RFX7: variants seen among roughly 807,000 people sequenced by gnomAD.
RFX7 encodes the protein regulatory factor X7.
In RFX7, 26 loss-of-function variants were observed where a neutral mutation model predicts 111.8. That is an observed-to-expected ratio of 0.23 (90% CI 0.17 to 0.32). The LOEUF is 0.32. Ranked by LOEUF, RFX7 falls within the 10% of genes least tolerant of loss-of-function variation. The pLI is 1.00. For synonymous variants in RFX7, 624 were observed against 624.4 expected, an observed-to-expected ratio of 1.00 and a Z score of 0.01; for missense variants, 1,573 against 1,772.9, an observed-to-expected ratio of 0.89 and a Z score of 2.02.
chr15:56,124,409 A>G lies in RFX7; in HGVS notation c.401+18369T>C, dbSNP rs569309749. Among the ~76,000 whole-genome samples the G allele has an allele frequency of 1.0e-4, 15 of 150,482 alleles. No homozygotes were observed. The South Asian group carries it at 3.3e-3, about 33-fold the overall frequency. ...TCCACTCCAGCCTGGGTGACAGAGC[A>G]AGACTCAGTCTCCGAAAAAAAAAAA... is the stretch of plus-strand genomic sequence containing the variant. On this transcript the variant is annotated intron_variant, in intron 5 of 9. Transcript: ENST00000559447.
chr15:56,111,858 T>G (rs1328021131), intron 5 of RFX7, among the ~76,000 whole-genome samples: 3 of 152,070 alleles, frequency 2.0e-5, no homozygotes, highest in African/African-American at 4.8e-5. Flanking sequence ...GGCTCATCCC[T>G]GTAGTCCCAG....
rs1298373896 is a variant in RFX7 at position 56,088,985 on chromosome 15, A to AT, written c.*4359dup. On this transcript the variant is annotated 3_prime_UTR_variant, in exon 10 of 10. Transcript: ENST00000559447. ...AAGATCTTACTCATCTTACCTAGCT[A>AT]TTTTTTGCAGTGACCACTACTGGTT... 7.9e-5 allele frequency: 12 copies of AT among 152,130 alleles called. No individual in the cohort carries two copies. The highest frequency in any genetic ancestry group is 2.7e-4 in the African/African-American group (11 of 41,422). The allele number at this position is 152,130 out of a possible 1,614,324, so 9.4% of individuals were successfully genotyped here.
At chr15:56,164,475 T>C (rs1227353792) in intron 3 of RFX7, among the ~76,000 whole-genome samples, 1 of 152,192 alleles carries the variant, frequency 6.6e-6, no homozygotes, top group Non-Finnish European at 1.5e-5. Context: ...TAAGATTCCA[T>C]TAAGCCAAGA....
In RFX7 at chr15:56,095,303, C is replaced by T. The variant is rs746302381; in HGVS notation, c.2425G>A (p.Glu809Lys). The T allele has an allele frequency of 5.6e-6, 9 of 1,613,910 alleles. No homozygotes were observed. In the African/African-American group the frequency reaches 1.2e-4, roughly 22 times the overall value. The part of the protein sequence containing the change: ...QQDISVMTIP[E>K]HSDINDLEKS... ...TCTAAGTCATTGATATCAGAGTGCT[C>T]AGGAATTGTCATAACACTGATATCT... Residue 809 changes from glutamate to lysine, a missense_variant, in exon 10 of 10, where the codon GAG becomes AAG. This residue lies in a region of RFX7 where 625 missense variants were observed against 632.2 expected (regional missense o/e 0.99). Transcript: ENST00000559447.
intron 3 of RFX7, among the ~76,000 whole-genome samples, chr15:56,157,724 C>T (rs1412916827): frequency 6.6e-6 from 1 of 152,154 alleles, no homozygotes; most frequent in Middle Eastern, 3.2e-3. Context: ...GGATTATAGG[C>T]GTGTGCCACC....
intron 5 of RFX7, among the ~76,000 whole-genome samples, chr15:56,104,704 G>C (rs1309875129): frequency 6.6e-6 from 1 of 152,164 alleles, no homozygotes; most frequent in Non-Finnish European, 1.5e-5. Context: ...ACCCCTGGGA[G>C]CCTTAATACA....
At chr15:56,096,750 G>T in intron 9 of RFX7, 130 bp from the exon 10 acceptor site, 1 of 983,174 alleles carries the variant, frequency 1.0e-6, no homozygotes, top group Non-Finnish European at 1.4e-6. Flanking sequence ...TATGTTAGAA[G>T]AGAGTTCTTC....
chr15:56,101,684 G>C (rs2041755492), intron 7 of RFX7, 118 bp from the exon 8 acceptor site: 1 of 958,826 alleles, frequency 1.0e-6, no homozygotes, highest in African/African-American at 1.7e-5. Flanking sequence ...GGTTAAAGTA[G>C]TATGAATTGA....
intron 2 of RFX7, among the ~76,000 whole-genome samples, chr15:56,206,864 T>C (rs1293751339): frequency 1.3e-5 from 2 of 149,684 alleles, no homozygotes; most frequent in Admixed American, 6.6e-5. Context: ...GGCTTGAAGG[T>C]TGGGGTTGGG....
At chr15:56,226,300 C>T (rs1000505417) in intron 2 of RFX7, among the ~76,000 whole-genome samples, 1 of 151,990 alleles carries the variant, frequency 6.6e-6, no homozygotes, top group Non-Finnish European at 1.5e-5. Context: ...ACAGAGTCTA[C>T]CTATCATAGT....
At chr15:56,173,651 G>A (rs1375322013) in intron 3 of RFX7, among the ~76,000 whole-genome samples, 2 of 151,756 alleles carry the variant, frequency 1.3e-5, no homozygotes, top group African/African-American at 4.8e-5. Context: ...GTGTAGTGGC[G>A]GATACCTGTA....
intron 3 of RFX7, among the ~76,000 whole-genome samples, chr15:56,175,965 T>C (rs781733460): frequency 3.3e-5 from 5 of 152,132 alleles, no homozygotes; most frequent in African/African-American, 7.2e-5. Context: ...CTTTAGGTAG[T>C]AGTAACTATG....
intron 2 of RFX7, among the ~76,000 whole-genome samples, chr15:56,212,264 A>G (rs1234785017): frequency 6.6e-6 from 1 of 152,174 alleles, no homozygotes; most frequent in African/African-American, 2.4e-5. Context: ...AAAAGGGTAC[A>G]TACTGTGTGA....
At position 56,189,062 on chromosome 15, in the gene RFX7, G is replaced by A. The variant is rs955175903; in HGVS notation, c.162-9759C>T. 3.6e-4 allele frequency among the ~76,000 whole-genome samples: 55 copies of A among 152,092 alleles called. 1 individual carries two copies. The highest frequency in any genetic ancestry group is 3.5e-3 in the Admixed American group (54 of 15,272). On this transcript the variant is annotated intron_variant, in intron 2 of 9. Transcript: ENST00000559447. ...TTGAACTCCTGACCTCAGGTGATCC[G>A]CCCATCTCGGCCTCCCAAAATGCTG...
intron 3 of RFX7, among the ~76,000 whole-genome samples, chr15:56,154,597 G>C (rs1479378343): frequency 1.3e-5 from 2 of 152,136 alleles, no homozygotes; most frequent in Admixed American, 1.3e-4. Context: ...GCTGAAACTG[G>C]ATCCCTTCCT....
intron 2 of RFX7, among the ~76,000 whole-genome samples, chr15:56,215,851 G>A (rs1389125473): frequency 6.6e-6 from 1 of 152,142 alleles, no homozygotes; most frequent in South Asian, 2.1e-4. Context: ...AGTCTATCCC[G>A]AGGTTTCAGT....
chr15:56,147,817 C>T (rs528853843), intron 3 of RFX7, among the ~76,000 whole-genome samples: 9 of 152,330 alleles, frequency 5.9e-5, no homozygotes, highest in African/African-American at 1.9e-4. Flanking sequence ...TCATGATCCG[C>T]CTGCCTTGGC....
chr15:56,145,664 A>G (rs2042458439), intron 3 of RFX7, among the ~76,000 whole-genome samples: 1 of 152,064 alleles, frequency 6.6e-6, no homozygotes, highest in Non-Finnish European at 1.5e-5. Context: ...TCTTTTCTCT[A>G]GTTTCCACAG....
At chr15:56,208,552 G>A (rs1202670168) in intron 2 of RFX7, among the ~76,000 whole-genome samples, 1 of 152,118 alleles carries the variant, frequency 6.6e-6, no homozygotes, top group African/African-American at 2.4e-5. Flanking sequence ...CCAGTTTCAA[G>A]AGCACAGCAA....
Sources: gnomAD v4.1 joint callset for allele counts (sites outside exome capture counted in the v4.1 genomes callset) on GRCh38, gnomAD v4.1.1 for gene constraint, gnomAD v4.1.1 regional missense constraint, MANE v1.5 for transcripts, NCBI Gene and HGNC (gene_info 2026-07-23, HGNC 2026-07-21) for gene names.